The following GPM6A variants were observed in gnomAD, a reference collection of about 807,000 sequenced individuals.
GPM6A encodes the protein glycoprotein M6A.
Under a neutral mutation model 32.1 loss-of-function variants are expected in GPM6A, and 7 were observed. That is an observed-to-expected ratio of 0.22 (90% CI 0.12 to 0.41). The LOEUF (loss-of-function observed/expected upper bound fraction) is 0.41. Among genes scored for constraint, GPM6A ranks in the 10% least tolerant of loss-of-function variants. GPM6A has a pLI of 1.00. For missense variants in GPM6A, 235 were observed against 347.2 expected, an observed-to-expected ratio of 0.68 and a Z score of 2.57; for synonymous variants, 130 against 123.4, an observed-to-expected ratio of 1.05 and a Z score of -0.35.
chr4:175,659,235 G>T (rs886899304), intron 3 of GPM6A, among the ~76,000 whole-genome samples: 1 of 151,646 alleles, frequency 6.6e-6, no homozygotes, highest in Non-Finnish European at 1.5e-5. Flanking sequence ...GGTGCACGCC[G>T]CAGCACATGG....
At chr4:175,816,731 C>A (rs558198050), upstream of GPM6A, among the ~76,000 whole-genome samples, 32 of 152,310 alleles carry the variant, frequency 2.1e-4, no homozygotes, top group African/African-American at 7.5e-4. Flanking sequence ...ACAGAATTAA[C>A]ATTATCTCTA....
chr4:175,731,153 A>T (rs535718463), intron 1 of GPM6A, among the ~76,000 whole-genome samples: 1 of 152,282 alleles, frequency 6.6e-6, no homozygotes, highest in South Asian at 2.1e-4. Context: ...CACATCTTAG[A>T]TTAGTTAGAA....
intron 1 of GPM6A, among the ~76,000 whole-genome samples, chr4:175,933,752 G>T (rs1739131513): frequency 6.6e-6 from 1 of 152,116 alleles, no homozygotes; most frequent in Non-Finnish European, 1.5e-5. Context: ...CACCGTGCTA[G>T]CCAGGATGGT....
chr4:175,729,898 T>C (rs1205193567), intron 1 of GPM6A, among the ~76,000 whole-genome samples: 6 of 146,586 alleles, frequency 4.1e-5, no homozygotes, highest in African/African-American at 1.0e-4. Context: ...TATTAATATA[T>C]GTATTCAAAT....
Position 175,651,938 on chromosome 4 carries a change from G to A in GPM6A, c.437C>T (p.Ala146Val), listed in dbSNP as rs770946649. Residue 146 changes from alanine to valine, a missense_variant, in exon 4 of 7, where the codon GCT (alanine) becomes GTT (valine). Ala to Val is a moderately conservative substitution (Grantham distance 64). Transcript: ENST00000393658. ...LFMLAWLGVT[A>V]FTSLPVYMYF... is the part of the protein sequence containing the mutation. ...CATGTAAACTGGCAGTGAGGTGAAAGCCGTGACTCCCAGCCAGGCCAACAT... is the reference window on the plus strand; with the variant it reads ...CATGTAAACTGGCAGTGAGGTGAAAACCGTGACTCCCAGCCAGGCCAACAT... The A allele has an allele frequency of 6.2e-7, 1 of 1,612,652 alleles. No individual in the cohort carries two copies.
At chr4:176,002,251 T>C (rs777507180) in intron 1 of GPM6A, 17 of 1,545,990 alleles carry the variant, frequency 1.1e-5, no homozygotes, top group African/African-American at 5.4e-5. Flanking sequence ...CTTTCTATAA[T>C]GCCCATTCCC....
Position 175,991,793 on chromosome 4 carries a change from A to T in GPM6A, c.-23+10516T>A, listed in dbSNP as rs149508726. Among the ~76,000 whole-genome samples the T allele has an allele frequency of 2.3e-3, 343 of 150,928 alleles. 1 individual carries two copies. The highest frequency in any genetic ancestry group is 7.7e-3 in the African/African-American group (317 of 41,426). Reference sequence around the variant, plus strand: ...CTGTTCCATGCCCTGATATTTCTTTAAAAAAAACACAATATATTTGTTTCG... The same window carrying T: ...CTGTTCCATGCCCTGATATTTCTTTTAAAAAAACACAATATATTTGTTTCG... On this transcript the variant is annotated intron_variant, in intron 1 of 7. Coordinates refer to the GPM6A transcript ENST00000280187.
chr4:175,703,898 T>C (rs973770082), intron 1 of GPM6A, among the ~76,000 whole-genome samples: 1 of 152,210 alleles, frequency 6.6e-6, no homozygotes, highest in Middle Eastern at 3.4e-3. Flanking sequence ...GATTTCCTCC[T>C]TATGAAAATC....
chr4:175,744,032 G>T (rs1037200772), intron 1 of GPM6A, among the ~76,000 whole-genome samples: 5 of 150,966 alleles, frequency 3.3e-5, no homozygotes, highest in African/African-American at 1.2e-4. Flanking sequence ...TGACCAAATT[G>T]ACATTCATTT....
chr4:175,812,190 C>T lies in GPM6A; in HGVS notation c.37+1G>A. On this transcript the variant is annotated splice_donor_variant, in intron 1 of 6. Coordinates refer to ENST00000393658, the MANE Select transcript of GPM6A (RefSeq NM_201591.3). LOFTEE classifies it high-confidence loss of function. ...ACAAATAAACGCTTTTAGCACAGTA[C>T]CTTTTTGTGTCTGTCCCTCTTCCAT... 6.3e-7 allele frequency: 1 copy of T among 1,583,790 alleles called. No homozygotes were observed. The highest frequency in any genetic ancestry group is 8.6e-7 in the Non-Finnish European group (1 of 1,157,442).
rs202127214 is a variant in GPM6A at position 175,637,900 on chromosome 4, T to TAC, written c.684+2227_684+2228dup. Reference sequence around the variant, plus strand: ...TATTTATATATTATATATATATATATACATATATGCATGAATGAAATACTG... The same window carrying TAC: ...TATTTATATATTATATATATATATATACACATATATGCATGAATGAAATACTG... On this transcript the variant is annotated intron_variant, in intron 6 of 6. Transcript: ENST00000393658. Among the ~76,000 whole-genome samples the TAC allele has an allele frequency of 5.7e-3, 738 of 129,988 alleles. 6 individuals carry two copies. The highest frequency in any genetic ancestry group is 0.02 in the African/African-American group (673 of 34,060). The allele number at this position is 129,988 out of a possible 152,430, so 85.3% of individuals were successfully genotyped here.
chr4:175,756,061 A>G (rs1346853526), intron 1 of GPM6A, among the ~76,000 whole-genome samples: 1 of 152,146 alleles, frequency 6.6e-6, no homozygotes, highest in Non-Finnish European at 1.5e-5. Context: ...TCATATCACT[A>G]TAGGAGCTAA....
chr4:175,681,485 A>T (rs1432787253), intron 2 of GPM6A, among the ~76,000 whole-genome samples: 1 of 152,086 alleles, frequency 6.6e-6, no homozygotes, highest in Admixed American at 6.6e-5. Flanking sequence ...TAAATAAGGG[A>T]TATTATACTT....
At chr4:175,642,770 A>G (rs958640502) in intron 4 of GPM6A, among the ~76,000 whole-genome samples, 1 of 152,050 alleles carries the variant, frequency 6.6e-6, no homozygotes, top group Non-Finnish European at 1.5e-5. Context: ...AGTCCCAGAT[A>G]TTTAAATACT....
At chr4:175,833,976 C>T (rs779203079) in intron 1 of GPM6A, among the ~76,000 whole-genome samples, 1 of 152,008 alleles carries the variant, frequency 6.6e-6, no homozygotes, top group African/African-American at 2.4e-5. Flanking sequence ...GCTGTAACGC[C>T]GTCTCTGAGC....
At position 175,695,916 on chromosome 4, in the gene GPM6A, G is replaced by T. The variant is rs541498447; in HGVS notation, c.230+5659C>A. On this transcript the variant is annotated intron_variant, in intron 2 of 6. Coordinates refer to ENST00000393658, the MANE Select transcript of GPM6A (RefSeq NM_201591.3). The stretch of plus-strand genomic sequence containing the variant: ...TTGGATCATAGGGGTGGTTTCTCAT[G>T]AATGGTTTAGCACCATCTCCTCAGT... 5.9e-5 allele frequency among the ~76,000 whole-genome samples: 9 copies of T among 152,220 alleles called. No individual in the cohort carries two copies. In the South Asian group the frequency reaches 1.7e-3, roughly 28 times the overall value.
chr4:175,854,163 T>C (rs2111407602), intron 1 of GPM6A, among the ~76,000 whole-genome samples: 1 of 152,268 alleles, frequency 6.6e-6, no homozygotes, highest in East Asian at 1.9e-4. Flanking sequence ...AAGATAAGTG[T>C]ATCTAGAATA....
intron 1 of GPM6A, among the ~76,000 whole-genome samples, chr4:175,738,556 G>A (rs968328894): frequency 6.6e-6 from 1 of 151,940 alleles, no homozygotes; most frequent in South Asian, 2.1e-4. Flanking sequence ...CTCTGGGTGA[G>A]TTAGGTAGGG....
chr4:175,847,958 C>T (rs1736139413), intron 1 of GPM6A, among the ~76,000 whole-genome samples: 1 of 152,094 alleles, frequency 6.6e-6, no homozygotes, highest in Admixed American at 6.6e-5. Flanking sequence ...GGAATGTATC[C>T]CCACGAATAA....
Sources: allele counts gnomAD v4.1 joint callset (sites outside exome capture counted in the v4.1 genomes callset), GRCh38; gene constraint gnomAD v4.1.1; transcripts MANE v1.5; gene names NCBI Gene and HGNC (gene_info 2026-07-23, HGNC 2026-07-21).